CHRM3: variants seen among roughly 807,000 people sequenced by gnomAD.
CHRM3 encodes cholinergic receptor muscarinic 3.
In CHRM3, 11 loss-of-function variants were observed where a neutral mutation model predicts 41.8. That is an observed-to-expected ratio of 0.26 (90% confidence interval 0.17 to 0.44). CHRM3 has a LOEUF of 0.44. Among genes scored for constraint, CHRM3 ranks in the 20% least tolerant of loss-of-function variants. The probability of loss-of-function intolerance (pLI) is 1.00; values close to 1 mark genes in which losing one functional copy is unlikely to be tolerated. For missense variants in CHRM3, 571 were observed against 745.4 expected, an observed-to-expected ratio of 0.77 and a Z score of 2.72; for synonymous variants, 297 against 301.4, an observed-to-expected ratio of 0.99 and a Z score of 0.15.
At chr1:239,644,397 C>A (rs1015708436) in intron 4 of CHRM3, among the ~76,000 whole-genome samples, 1 of 152,020 alleles carries the variant, frequency 6.6e-6, no homozygotes, top group Non-Finnish European at 1.5e-5. Flanking sequence ...AGCCTCAGAG[C>A]CTACATGTGG....
At chr1:239,617,023 T>C (rs916402787) in intron 3 of CHRM3, among the ~76,000 whole-genome samples, 1 of 152,028 alleles carries the variant, frequency 6.6e-6, no homozygotes, top group African/African-American at 2.4e-5. Flanking sequence ...AATAATTTTG[T>C]TTCTTTCTGT....
At chr1:239,743,533 C>T (rs2148515418) in intron 5 of CHRM3, among the ~76,000 whole-genome samples, 1 of 152,212 alleles carries the variant, frequency 6.6e-6, no homozygotes, top group South Asian at 2.1e-4. Flanking sequence ...CTTGCGGGCA[C>T]TTTACACATA....
intron 4 of CHRM3, among the ~76,000 whole-genome samples, chr1:239,665,507 G>T (rs1364364750): frequency 1.3e-5 from 2 of 151,942 alleles, no homozygotes; most frequent in African/African-American, 4.8e-5. Flanking sequence ...TTACCTTTTG[G>T]TTTTTTTGGA....
At chr1:239,746,187 G>A (rs1665335170) in intron 5 of CHRM3, among the ~76,000 whole-genome samples, 2 of 152,296 alleles carry the variant, frequency 1.3e-5, no homozygotes, top group Admixed American at 1.3e-4. Flanking sequence ...ACAAGCGGTA[G>A]GTGCCAGGCA....
chr1:239,818,296 A>G (rs1269182458), intron 5 of CHRM3, among the ~76,000 whole-genome samples: 2 of 152,118 alleles, frequency 1.3e-5, no homozygotes, highest in African/African-American at 2.4e-5. Context: ...ACTTCATTTA[A>G]CCTTAATTAT....
intron 6 of CHRM3, among the ~76,000 whole-genome samples, chr1:239,858,816 T>C (rs1280048269): frequency 6.6e-6 from 1 of 152,190 alleles, no homozygotes; most frequent in Admixed American, 6.5e-5. Context: ...TGTCTATGGA[T>C]TTGCATATAG....
chr1:239,900,526 A>G (rs1441854889), intron 6 of CHRM3, among the ~76,000 whole-genome samples: 1 of 152,034 alleles, frequency 6.6e-6, no homozygotes, highest in African/African-American at 2.4e-5. Context: ...AGAAGTTCAT[A>G]GAAAATGTCT....
rs145022808 is a variant in CHRM3 at position 239,500,132 on chromosome 1, G to A, written c.-422+7325G>A. 6.9e-3 allele frequency among the ~76,000 whole-genome samples: 1,055 copies of A among 152,150 alleles called. 5 individuals carry two copies. Among genetic ancestry groups the A allele is most frequent in the Non-Finnish European group, 0.01 (690 of 68,020 alleles). On this transcript the variant is annotated intron_variant, in intron 2 of 6. Coordinates refer to ENST00000676153, the MANE Select transcript of CHRM3 (RefSeq NM_001375978.1). ...TTATTGAGAGTTTTTAGCATGAAGG[G>A]TTGTTGAATTTTGTCAAAGGCCTTT... is the stretch of plus-strand genomic sequence containing the variant.
intron 5 of CHRM3, among the ~76,000 whole-genome samples, chr1:239,750,063 G>T (rs1665682465): frequency 6.6e-6 from 1 of 152,158 alleles, no homozygotes; most frequent in Non-Finnish European, 1.5e-5. Context: ...TCGTCATATT[G>T]TAAGAATCAC....
chr1:239,742,886 T>A (rs979472458), intron 5 of CHRM3, among the ~76,000 whole-genome samples: 1 of 152,224 alleles, frequency 6.6e-6, no homozygotes, highest in African/African-American at 2.4e-5. Flanking sequence ...ATTTCTGTTT[T>A]CCATTTTACT....
chr1:239,450,959 A>G (rs758197021), intron 1 of CHRM3, among the ~76,000 whole-genome samples: 7 of 152,182 alleles, frequency 4.6e-5, no homozygotes, highest in Non-Finnish European at 8.8e-5. Flanking sequence ...GGAGGCCATG[A>G]CAGAAGAATC....
intron 1 of CHRM3, among the ~76,000 whole-genome samples, chr1:239,413,974 C>G (rs1341739008): frequency 6.6e-6 from 1 of 152,156 alleles, no homozygotes. Context: ...CAAACCCAAG[C>G]ATGAGGTGTT....
intron 2 of CHRM3, among the ~76,000 whole-genome samples, chr1:239,498,690 T>C (rs1668034942): frequency 6.6e-6 from 1 of 152,204 alleles, no homozygotes; most frequent in Admixed American, 6.5e-5. Flanking sequence ...AACTGGAATG[T>C]AGGTGTCTGG....
rs915409210 is a variant in CHRM3 at position 239,387,504 on chromosome 1, C to G, written c.-521+277C>G. 1.3e-5 allele frequency among the ~76,000 whole-genome samples: 2 copies of G among 151,806 alleles called. No homozygotes were observed. Among genetic ancestry groups the G allele is most frequent in the East Asian group, 2.0e-4 (1 of 5,112 alleles). Reference sequence around the variant, plus strand: ...AACGCCCGCTGGCACTCAAGTGCCCCGAAAGGGACGGGAATCATGCGAGCG... The same window carrying G: ...AACGCCCGCTGGCACTCAAGTGCCCGGAAAGGGACGGGAATCATGCGAGCG... On this transcript the variant is annotated intron_variant, in intron 1 of 6. Transcript: ENST00000676153. The surrounding 1 kb of genome is among the most constrained non-coding windows in gnomAD (Gnocchi z 5.1).
intron 2 of CHRM3, among the ~76,000 whole-genome samples, chr1:239,515,056 G>T (rs947303556): frequency 3.3e-5 from 5 of 152,012 alleles, no homozygotes; most frequent in Admixed American, 2.6e-4. Context: ...AGAAATAACA[G>T]AAATATAAGT....
intron 6 of CHRM3, among the ~76,000 whole-genome samples, chr1:239,896,555 G>GT (rs767813617): frequency 1.5e-4 from 23 of 152,182 alleles, no homozygotes; most frequent in Non-Finnish European, 3.4e-4. Context: ...TTGAAGAGAT[G>GT]TGGAGTTTGC....
At chr1:239,592,802 A>C (rs1664330328) in intron 3 of CHRM3, among the ~76,000 whole-genome samples, 1 of 151,836 alleles carries the variant, frequency 6.6e-6, no homozygotes, top group Admixed American at 6.6e-5. Flanking sequence ...TTCATGTACA[A>C]GATTTTGTGT....
At chr1:239,735,388 G>A (rs1160428269) in intron 5 of CHRM3, among the ~76,000 whole-genome samples, 1 of 152,144 alleles carries the variant, frequency 6.6e-6, no homozygotes, top group Non-Finnish European at 1.5e-5. Flanking sequence ...AACTGCAGAT[G>A]TTTCATGTAG....
In CHRM3 at chr1:239,591,655, G is replaced by A. The variant is rs185230870; in HGVS notation, c.-312-40569G>A. Among the ~76,000 whole-genome samples, 410 of 152,088 alleles carry A rather than the reference G, an allele frequency of 2.7e-3. 3 individuals carry two copies. The highest frequency in any genetic ancestry group is 9.7e-3 in the African/African-American group (402 of 41,482). ...TACTCTGAACTAAGATTCGGAAATG[G>A]CATTTTAATAGCCACTGAAGTAAAT... is the stretch of plus-strand genomic sequence containing the variant. On this transcript the variant is annotated intron_variant, in intron 3 of 6. Transcript: ENST00000676153.
Sources: allele counts gnomAD v4.1 joint callset (sites outside exome capture counted in the v4.1 genomes callset), GRCh38; gene constraint gnomAD v4.1.1; non-coding constraint Gnocchi (gnomAD v3.1); transcripts MANE v1.5; gene names NCBI Gene and HGNC (gene_info 2026-07-23, HGNC 2026-07-21).